The following NEDD1 variants were observed in gnomAD, a reference collection of about 807,000 sequenced individuals.
The protein encoded by NEDD1 is NEDD1 gamma-tubulin ring complex targeting factor, also known as protein NEDD1.
In NEDD1, 33 loss-of-function variants were observed where a neutral mutation model predicts 74.0. That is an observed-to-expected ratio of 0.45 (90% CI 0.34 to 0.60). The LOEUF is 0.60. Among genes scored for constraint, NEDD1 ranks in the 20% least tolerant of loss-of-function variants. The probability of loss-of-function intolerance (pLI) is 0.01; values close to 1 mark genes in which losing one functional copy is unlikely to be tolerated. For synonymous variants in NEDD1, 250 were observed against 264.4 expected (o/e 0.95, Z 0.53); for missense variants, 746 against 776.5 (o/e 0.96, Z 0.47).
chr12:96,936,621 A>G lies in NEDD1; in HGVS notation c.730A>G (p.Thr244Ala), dbSNP rs1206585493. 6.2e-7 allele frequency: 1 copy of G among 1,612,906 alleles called. No homozygotes were observed. Among genetic ancestry groups the G allele is most frequent in the Admixed American group, 1.7e-5 (1 of 59,980 alleles). Residue 244 changes from threonine to alanine, a missense_variant, in exon 8 of 16, where the codon ACT becomes GCT. By Grantham distance (58) the Thr-to-Ala change is moderately conservative (BLOSUM62 0). Around this residue, in one of 3 missense-constraint regions of NEDD1, gnomAD observed 706 missense variants for 706.7 expected, o/e 1.00. Coordinates refer to ENST00000266742, the MANE Select transcript of NEDD1 (RefSeq NM_152905.4). ...TTCTCCTTTCCAAAGGCTAGTGAAA[A>G]CTTTAGTGGCTGACACTCCTCTAAC... ...YDTSSKKLVK[T>A]LVADTPLTAV...
At chr12:96,928,186 C>T (rs892867625) in intron 6 of NEDD1, among the ~76,000 whole-genome samples, 1 of 152,108 alleles carries the variant, frequency 6.6e-6, no homozygotes, top group African/African-American at 2.4e-5. Flanking sequence ...TAGTTATACT[C>T]ATTCTGTTTG....
At chr12:96,947,836 C>T (rs1878346053) in intron 14 of NEDD1, among the ~76,000 whole-genome samples, 1 of 152,174 alleles carries the variant, frequency 6.6e-6, no homozygotes, top group Admixed American at 6.5e-5. Context: ...TTGGTGAAGA[C>T]GTACAGTCAG....
intron 4 of NEDD1, 71 bp downstream of exon 4, chr12:96,912,888 G>T (rs1234021990): frequency 4.1e-6 from 3 of 739,890 alleles, no homozygotes; most frequent in East Asian, 5.2e-5. Context: ...GCTTATTGTG[G>T]TGCTTGCGAC....
At chr12:96,931,988 G>A (rs1041139644) in intron 6 of NEDD1, among the ~76,000 whole-genome samples, 2 of 152,044 alleles carry the variant, frequency 1.3e-5, no homozygotes, top group Non-Finnish European at 2.9e-5. Flanking sequence ...TTTTTGTAAA[G>A]TTTATTGGAA....
At position 96,912,507 on chromosome 12, in the gene NEDD1, G is replaced by T. The variant is rs1874023432; in HGVS notation, c.137-216G>T. Reference sequence around the variant, plus strand: ...TAAATAGCTTTTGAGTGATAGCAGAGCCAGAAAGAAGGCTAGTTCTTCCCT... The same window carrying T: ...TAAATAGCTTTTGAGTGATAGCAGATCCAGAAAGAAGGCTAGTTCTTCCCT... On this transcript the variant is annotated intron_variant, in intron 3 of 15. Coordinates refer to ENST00000266742, the MANE Select transcript of NEDD1 (RefSeq NM_152905.4). 3 of 377,370 alleles carry T rather than the reference G, an allele frequency of 7.9e-6. No homozygotes were observed. In the East Asian group the frequency reaches 1.3e-4, roughly 16 times the overall value. 23.4% of individuals were successfully genotyped at this position (377,370 alleles called of 1,614,324 possible). A position where few individuals can be genotyped will look rare whatever the true frequency, so the allele number is the denominator to read the frequency against.
intron 9 of NEDD1, among the ~76,000 whole-genome samples, chr12:96,938,692 G>A (rs889786460): frequency 2.0e-5 from 3 of 152,024 alleles, no homozygotes; most frequent in Non-Finnish European, 4.4e-5. Flanking sequence ...TGAAATGATT[G>A]TCATCTTACA....
intron 4 of NEDD1, among the ~76,000 whole-genome samples, chr12:96,913,174 G>A (rs192958583): frequency 6.6e-6 from 1 of 152,126 alleles, no homozygotes; most frequent in African/African-American, 2.4e-5. Context: ...ACACAGCACT[G>A]CTTTACTGAT....
chr12:96,921,576 A>G (rs919126648), intron 6 of NEDD1, among the ~76,000 whole-genome samples: 1 of 152,054 alleles, frequency 6.6e-6, no homozygotes, highest in African/African-American at 2.4e-5. Context: ...TTACATGGAG[A>G]AGATGTATAA....
chr12:96,932,463 A>AAAAAATATAT, intron 6 of NEDD1, among the ~76,000 whole-genome samples: 1 of 9,438 alleles, frequency 1.1e-4, no homozygotes, highest in African/African-American at 3.4e-4. Context: ...AAAAAAAAAA[A>AAAAAATATAT]ATATATATAT....
intron 6 of NEDD1, among the ~76,000 whole-genome samples, chr12:96,931,579 AT>A (rs34446396): frequency 1.3e-5 from 2 of 152,194 alleles, no homozygotes; most frequent in Admixed American, 1.3e-4. Flanking sequence ...ATGAATTACA[AT>A]TTTTTTCATA....
At chr12:96,922,973 C>G (rs1592879190) in intron 6 of NEDD1, among the ~76,000 whole-genome samples, 1 of 151,998 alleles carries the variant, frequency 6.6e-6, no homozygotes. Flanking sequence ...AGAAATTCAC[C>G]AGGCATGGTG....
At chr12:96,923,132 G>T (rs562319158) in intron 6 of NEDD1, among the ~76,000 whole-genome samples, 3 of 151,426 alleles carry the variant, frequency 2.0e-5, no homozygotes, top group African/African-American at 4.9e-5. Context: ...AAAAAAAAAA[G>T]CAAGGAATCA....
At position 96,944,509 on chromosome 12, in the gene NEDD1, T is replaced by G. The variant is rs937965353; in HGVS notation, c.1498-130T>G. ...CTCTTTTTCTTTTTCTTCTTCTATA[T>G]CTCTTCCTATTTTCCTTCATTTCTA... On this transcript the variant is annotated intron_variant, in intron 12 of 15. Transcript: ENST00000266742. 1.1e-4 allele frequency: 56 copies of G among 502,848 alleles called. 2 individuals carry two copies. Among genetic ancestry groups the G allele is most frequent in the Admixed American group, 5.0e-4 (13 of 26,022 alleles). The allele number at this position is 502,848 out of a possible 1,614,324, so 31.1% of individuals were successfully genotyped here.
At chr12:96,934,387 T>C (rs249573) in intron 6 of NEDD1, among the ~76,000 whole-genome samples, 22,541 of 152,030 alleles carry the variant, frequency 0.15, 1,968 homozygotes, top group Middle Eastern at 0.26. Context: ...ATGACAAATA[T>C]TAATAGGCTA....
chr12:96,909,964 C>T (rs1873742915), intron 3 of NEDD1, 69 bp downstream of exon 3: 1 of 1,530,906 alleles, frequency 6.5e-7, no homozygotes, highest in South Asian at 1.3e-5. Flanking sequence ...CAACCACTGT[C>T]AATGAAACTT....
At chr12:96,939,651 T>G (rs149443078) in intron 9 of NEDD1, among the ~76,000 whole-genome samples, 1 of 152,040 alleles carries the variant, frequency 6.6e-6, no homozygotes, top group East Asian at 1.9e-4. Flanking sequence ...CCTCTAAAAC[T>G]GTCGTTACTC....
rs562861696 is a variant in NEDD1 at position 96,927,231 on chromosome 12, T to C, written c.489+7106T>C. On this transcript the variant is annotated intron_variant, in intron 6 of 15. Transcript: ENST00000266742. ...TTTCAAATCTTTAAAAATGATCAAA[T>C]TAGTGTCTTAGTGAAAGTGATAGGA... Among the ~76,000 whole-genome samples the C allele has an allele frequency of 1.6e-3, 244 of 152,332 alleles. 1 individual carries two copies. The highest frequency in any genetic ancestry group is 5.5e-3 in the African/African-American group (230 of 41,582).
In NEDD1 at chr12:96,951,914, T is replaced by G. The variant is rs747664064; in HGVS notation, c.1879-35T>G. 11 of 1,098,344 alleles carry G rather than the reference T, an allele frequency of 1.0e-5. No homozygotes were observed. In the Admixed American group the frequency reaches 1.4e-4, roughly 14 times the overall value. The allele number at this position is 1,098,344 out of a possible 1,614,324, so 68.0% of individuals were successfully genotyped here. On this transcript the variant is annotated intron_variant, in intron 15 of 15. Coordinates refer to ENST00000266742, the MANE Select transcript of NEDD1 (RefSeq NM_152905.4). ...TAGCCTGCCAAATAAATGTGAAATA[T>G]CAATAATTTAAAAAGCATTTTCCTG...
At chr12:96,916,944 C>A (rs1242888861) in intron 4 of NEDD1, among the ~76,000 whole-genome samples, 1 of 152,040 alleles carries the variant, frequency 6.6e-6, no homozygotes, top group Non-Finnish European at 1.5e-5. Flanking sequence ...GGGATTCATT[C>A]TTGGGTTGGA....
Sources: allele counts gnomAD v4.1 joint callset (sites outside exome capture counted in the v4.1 genomes callset), GRCh38; gene constraint gnomAD v4.1.1; regional missense constraint gnomAD v4.1.1; transcripts MANE v1.5; gene names NCBI Gene and HGNC (gene_info 2026-07-23, HGNC 2026-07-21).